Variants in IDE observed in about 807,000 individuals in gnomAD.
IDE encodes the protein insulin-degrading enzyme.
In IDE, 58 loss-of-function variants were observed where a neutral mutation model predicts 133.2. The ratio of observed to expected loss-of-function variants is 0.44; its 90% CI spans 0.35 to 0.54. IDE has a LOEUF of 0.54. Ranked by LOEUF, IDE falls within the 20% of genes least tolerant of loss-of-function variation. The pLI is 0.00. For synonymous variants in IDE, 396 were observed against 421.3 expected, an observed-to-expected ratio of 0.94 and a Z score of 0.73; for missense variants, 981 against 1,234.0, an observed-to-expected ratio of 0.79 and a Z score of 3.07.
chr10:92,509,321 G>A (rs1250701320), intron 6 of IDE, among the ~76,000 whole-genome samples: 1 of 152,026 alleles, frequency 6.6e-6, no homozygotes, highest in East Asian at 1.9e-4. Context: ...GGCCGGGTGC[G>A]GTGGCTCACA....
chr10:92,461,128 G>A (rs1271521260), intron 22 of IDE, 63 bp downstream of exon 22: 18 of 795,442 alleles, frequency 2.3e-5, no homozygotes, highest in African/African-American at 3.4e-5. Context: ...GGTGTAGGCC[G>A]CCATACCCAG....
intron 22 of IDE, among the ~76,000 whole-genome samples, chr10:92,460,543 A>G (rs1845318991): frequency 6.6e-6 from 1 of 152,170 alleles, no homozygotes; most frequent in African/African-American, 2.4e-5. Flanking sequence ...CTTGGGCCAC[A>G]CTGGAAGAAG....
At chr10:92,551,332 G>A (rs1316755802) in intron 1 of IDE, among the ~76,000 whole-genome samples, 1 of 151,816 alleles carries the variant, frequency 6.6e-6, no homozygotes, top group Admixed American at 6.6e-5. Flanking sequence ...CACTTTGGGA[G>A]GCTAAGGCAG....
At position 92,483,245 on chromosome 10, in the gene IDE, T is replaced by C; in HGVS notation, c.1739+10A>G. 2.1e-6 allele frequency: 3 copies of C among 1,447,806 alleles called. No individual in the cohort carries two copies. Among genetic ancestry groups the C allele is most frequent in the Non-Finnish European group, 2.9e-6 (3 of 1,029,092 alleles). The allele number at this position is 1,447,806 out of a possible 1,614,324, so 89.7% of individuals were successfully genotyped here. A position where few individuals can be genotyped will look rare whatever the true frequency, so the allele number is the denominator to read the frequency against. On this transcript the variant is annotated intron_variant, in intron 14 of 24. Transcript: ENST00000265986. Reference sequence around the variant, plus strand: ...TTATAAGCTTTATAAGCTAGATTCATCTTACATACCTGAAAAATTCAAAGT... The same window carrying C: ...TTATAAGCTTTATAAGCTAGATTCACCTTACATACCTGAAAAATTCAAAGT...
intron 1 of IDE, among the ~76,000 whole-genome samples, chr10:92,543,120 C>T (rs1842386664): frequency 1.3e-5 from 2 of 152,184 alleles, no homozygotes; most frequent in Non-Finnish European, 1.5e-5. Context: ...TGAGTGATCA[C>T]GTTAATAGTG....
intron 1 of IDE, among the ~76,000 whole-genome samples, chr10:92,547,833 C>A (rs1243773141): frequency 6.6e-6 from 1 of 152,118 alleles, no homozygotes; most frequent in Non-Finnish European, 1.5e-5. Context: ...AATTACATAC[C>A]CTCACCTTTA....
chr10:92,567,527 A>C (rs1843612007), intron 1 of IDE, among the ~76,000 whole-genome samples: 1 of 152,238 alleles, frequency 6.6e-6, no homozygotes, highest in Non-Finnish European at 1.5e-5. Context: ...CAGCCAGATT[A>C]ATTAGCCAAA....
intron 4 of IDE, among the ~76,000 whole-genome samples, chr10:92,531,079 G>A (rs1483448158): frequency 6.6e-6 from 1 of 152,066 alleles, no homozygotes; most frequent in Non-Finnish European, 1.5e-5. Context: ...GAGCATGACT[G>A]GCAGGAATAG....
chr10:92,455,408 G>A (rs924557119), intron 24 of IDE, among the ~76,000 whole-genome samples, 168 bp downstream of exon 24: 2 of 152,110 alleles, frequency 1.3e-5, no homozygotes, highest in Admixed American at 6.6e-5. Flanking sequence ...CCCAAGAAGT[G>A]GAGGTTGTAG....
At chr10:92,573,129 T>G in intron 1 of IDE, 1 of 985,414 alleles carries the variant, frequency 1.0e-6, no homozygotes, top group South Asian at 4.7e-5. Flanking sequence ...TAGTAAAAAG[T>G]ATTCAGCGTT....
At chr10:92,546,834 T>C (rs527945755) in intron 1 of IDE, among the ~76,000 whole-genome samples, 3 of 152,322 alleles carry the variant, frequency 2.0e-5, no homozygotes, top group South Asian at 4.1e-4. Flanking sequence ...AAGTATAACA[T>C]AGATAAAAGC....
chr10:92,500,858 T>C lies in IDE; in HGVS notation c.1430+3936A>G, dbSNP rs193250832. Among the ~76,000 whole-genome samples, 748 of 151,736 alleles carry C rather than the reference T, an allele frequency of 4.9e-3. 8 individuals are homozygous for C. Among genetic ancestry groups the C allele is most frequent in the African/African-American group, 0.017 (708 of 41,358 alleles). ...AAAAGGAAAAACAGCCTGGCCAACA[T>C]GGTGAAACCCCATCTCTACTGAAAA... On this transcript the variant is annotated intron_variant, in intron 11 of 24. Coordinates refer to ENST00000265986, the MANE Select transcript of IDE (RefSeq NM_004969.4).
chr10:92,503,360 G>C (rs1848129858), intron 11 of IDE, among the ~76,000 whole-genome samples: 1 of 152,162 alleles, frequency 6.6e-6, no homozygotes, highest in Non-Finnish European at 1.5e-5. Flanking sequence ...AATACAGATA[G>C]GGTGTCACTA....
intron 1 of IDE, among the ~76,000 whole-genome samples, chr10:92,546,585 C>T (rs1842542516): frequency 6.6e-6 from 1 of 152,076 alleles, no homozygotes; most frequent in African/African-American, 2.4e-5. Flanking sequence ...ATAATTAAAC[C>T]TTCTCAGGTG....
chr10:92,567,698 T>G (rs1253706570), intron 1 of IDE, among the ~76,000 whole-genome samples: 1 of 152,182 alleles, frequency 6.6e-6, no homozygotes, highest in Non-Finnish European at 1.5e-5. Context: ...TCTCTTCTGG[T>G]TGTGGTGGCT....
intron 1 of IDE, among the ~76,000 whole-genome samples, chr10:92,551,566 CA>C (rs1232265058): frequency 0.099 from 6,597 of 66,590 alleles, 203 homozygotes; most frequent in African/African-American, 0.22. Context: ...GACTCCATCT[CA>C]AAAAAAAAAA....
chr10:92,532,892 T>C (rs571794510), intron 3 of IDE, among the ~76,000 whole-genome samples: 1 of 152,334 alleles, frequency 6.6e-6, no homozygotes, highest in East Asian at 1.9e-4. Context: ...ACAGAAGCCA[T>C]TATCATTACT....
In IDE at chr10:92,551,638, A is replaced by G. The variant is rs963814767; in HGVS notation, c.99-14088T>C. On this transcript the variant is annotated intron_variant, in intron 1 of 24. Coordinates refer to ENST00000265986, the MANE Select transcript of IDE (RefSeq NM_004969.4). ...ACAAATACTACACAACTCCACTTATATAAGGTACCTAGAGTAGTCAAATTC... is the reference window on the plus strand; with the variant it reads ...ACAAATACTACACAACTCCACTTATGTAAGGTACCTAGAGTAGTCAAATTC... Among the ~76,000 whole-genome samples the G allele has an allele frequency of 2.0e-5, 3 of 152,080 alleles. No individual in the cohort carries two copies. In the East Asian group the frequency reaches 5.8e-4, roughly 29 times the overall value.
At chr10:92,542,593 G>A (rs1198810901) in intron 1 of IDE, among the ~76,000 whole-genome samples, 1 of 152,200 alleles carries the variant, frequency 6.6e-6, no homozygotes, top group Non-Finnish European at 1.5e-5. Flanking sequence ...CCCAGCCCAG[G>A]TCATTATCTT....
Sources: allele counts gnomAD v4.1 joint callset (sites outside exome capture counted in the v4.1 genomes callset), GRCh38; gene constraint gnomAD v4.1.1; transcripts MANE v1.5; gene names NCBI Gene and HGNC (gene_info 2026-07-23, HGNC 2026-07-21).